The following NXPE2 variants were observed in gnomAD, a reference collection of about 807,000 sequenced individuals.
NXPE2 encodes the protein NXPE family member 2.
A neutral mutation model predicts 34.4 loss-of-function variants in NXPE2; 34 were observed. That is an observed-to-expected ratio of 0.99 (90% CI 0.75 to 1.31). The LOEUF (loss-of-function observed/expected upper bound fraction) is 1.31, where lower values mean the gene tolerates loss of function less well. Ranked by LOEUF, NXPE2 falls within the 40% of genes most tolerant of loss-of-function variation. The pLI, the probability that NXPE2 is intolerant of heterozygous loss-of-function variation, is 0.00. For missense variants in NXPE2, 649 were observed against 672.5 expected (o/e 0.97, Z 0.39); for synonymous variants, 235 against 231.3 (o/e 1.02, Z -0.15).
At chr11:114,560,638 G>A in the NXPE2 span, among the ~76,000 whole-genome samples, 3 of 152,096 alleles carry the variant, frequency 2.0e-5, no homozygotes, top group South Asian at 6.2e-4. Flanking sequence ...TAGGGAAAGG[G>A]GATATGGTTC....
chr11:114,471,324 A>G, the NXPE2 span, among the ~76,000 whole-genome samples: 1 of 152,166 alleles, frequency 6.6e-6, no homozygotes, highest in Non-Finnish European at 1.5e-5. Flanking sequence ...TGAGGTATGA[A>G]TTGAAGTTCA....
chr11:114,603,388 C>G, the NXPE2 span, among the ~76,000 whole-genome samples: 17 of 151,442 alleles, frequency 1.1e-4, no homozygotes, highest in Non-Finnish European at 1.6e-4. Context: ...TTCCTCATCT[C>G]CTAGGTAACA....
At chr11:114,515,364 A>G in the NXPE2 span, among the ~76,000 whole-genome samples, 1,366 of 152,312 alleles carry the variant, frequency 9.0e-3, 23 homozygotes, top group African/African-American at 0.031. Flanking sequence ...CTAGAGAAAC[A>G]ATTTTGCTTA....
chr11:114,638,338 T>G, the NXPE2 span, among the ~76,000 whole-genome samples: 14,002 of 152,056 alleles, frequency 0.092, 830 homozygotes, highest in Middle Eastern at 0.2. Flanking sequence ...CACTTCTCTG[T>G]ATTGGTTATT....
chr11:114,799,291 C>CAAAA, the NXPE2 span, among the ~76,000 whole-genome samples: 193 of 94,284 alleles, frequency 2.0e-3, 2 homozygotes, highest in African/African-American at 4.1e-3. Flanking sequence ...GGCAATGAAG[C>CAAAA]AAAAAAAAAA....
At chr11:114,750,151 G>A in the NXPE2 span, among the ~76,000 whole-genome samples, 1 of 152,166 alleles carries the variant, frequency 6.6e-6, no homozygotes, top group Non-Finnish European at 1.5e-5. Context: ...ACAGAGGTCC[G>A]TCTTGCTCTG....
the NXPE2 span, among the ~76,000 whole-genome samples, chr11:114,511,641 TC>T: frequency 3.9e-5 from 6 of 152,176 alleles, no homozygotes; most frequent in Non-Finnish European, 8.8e-5. Flanking sequence ...TGGATATTTA[TC>T]CCCTCCAAAT....
the NXPE2 span, among the ~76,000 whole-genome samples, chr11:114,615,624 G>C: frequency 6.6e-6 from 1 of 151,620 alleles, no homozygotes; most frequent in African/African-American, 2.4e-5. Context: ...CTGGTACCTG[G>C]TGGATAATAA....
the NXPE2 span, among the ~76,000 whole-genome samples, chr11:114,555,513 C>G: frequency 0.021 from 3,202 of 152,282 alleles, 120 homozygotes; most frequent in African/African-American, 0.073. Context: ...GCGTGAGCCA[C>G]CACGCCCAGC....
At chr11:114,631,000 C>T in the NXPE2 span, among the ~76,000 whole-genome samples, 1 of 150,860 alleles carries the variant, frequency 6.6e-6, no homozygotes, top group African/African-American at 2.4e-5. Flanking sequence ...GTTAGAATGG[C>T]AATCATTAAA....
At chr11:114,750,739 A>G in the NXPE2 span, among the ~76,000 whole-genome samples, 1,696 of 152,316 alleles carry the variant, frequency 0.011, 24 homozygotes, top group African/African-American at 0.037. Flanking sequence ...TTTGGTTACA[A>G]TATAACATGA....
At chr11:114,751,857 A>G in the NXPE2 span, among the ~76,000 whole-genome samples, 3 of 152,200 alleles carry the variant, frequency 2.0e-5, no homozygotes, top group Admixed American at 6.5e-5. Flanking sequence ...CAGGGGGGTT[A>G]GAGTCAGAGA....
the NXPE2 span, among the ~76,000 whole-genome samples, chr11:114,653,547 T>C: frequency 2.7e-5 from 4 of 150,652 alleles, no homozygotes; most frequent in East Asian, 7.8e-4. Context: ...TTTTTTTTTT[T>C]TTTTTTTAGA....
chr11:114,639,689 CTATTCTATAATA>C, the NXPE2 span, among the ~76,000 whole-genome samples: 5 of 132,868 alleles, frequency 3.8e-5, no homozygotes, highest in South Asian at 2.2e-4. Flanking sequence ...TATATTGTAT[CTATTCTATAATA>C]TATTCTATAA....
the NXPE2 span, among the ~76,000 whole-genome samples, chr11:114,755,750 C>G: frequency 6.6e-6 from 1 of 152,156 alleles, no homozygotes; most frequent in East Asian, 1.9e-4. Flanking sequence ...CTCTCTCTCT[C>G]TCTCTCTCTC....
chr11:114,608,933 C>T, the NXPE2 span, among the ~76,000 whole-genome samples: 7 of 151,730 alleles, frequency 4.6e-5, no homozygotes, highest in African/African-American at 1.2e-4. Flanking sequence ...AGTACTGCCT[C>T]GTGGGTAACC....
chr11:114,628,054 C>G, the NXPE2 span, among the ~76,000 whole-genome samples: 1 of 150,452 alleles, frequency 6.6e-6, no homozygotes, highest in Non-Finnish European at 1.5e-5. Flanking sequence ...GACTTAGACT[C>G]CCACACGTTA....
At chr11:114,637,186 C>G in the NXPE2 span, among the ~76,000 whole-genome samples, 1 of 151,896 alleles carries the variant, frequency 6.6e-6, no homozygotes, top group South Asian at 2.1e-4. Flanking sequence ...GTTAGCTCTT[C>G]TTGTTGAGTT....
chr11:114,510,722 C>T, the NXPE2 span, among the ~76,000 whole-genome samples: 1 of 152,090 alleles, frequency 6.6e-6, no homozygotes, highest in Non-Finnish European at 1.5e-5. Flanking sequence ...AGACTTGGCA[C>T]ATTGTCTGAT....
Sources: gnomAD v4.1 joint callset for allele counts (sites outside exome capture counted in the v4.1 genomes callset) on GRCh38, gnomAD v4.1.1 for gene constraint, MANE v1.5 for transcripts, NCBI Gene and HGNC (gene_info 2026-07-23, HGNC 2026-07-21) for gene names.